Variants in SMCO2 observed in about 807,000 individuals in gnomAD.
The protein encoded by SMCO2 is single-pass membrane protein with coiled-coil domains 2, also known as single-pass membrane and coiled-coil domain-containing protein 2.
Under a neutral mutation model 29.5 loss-of-function variants are expected in SMCO2, and 25 were observed. The ratio of observed to expected loss-of-function variants is 0.85; its 90% CI spans 0.62 to 1.18. The LOEUF is 1.18. Ranked by LOEUF, SMCO2 falls within the 50% of genes most tolerant of loss-of-function variation. The pLI, the probability that SMCO2 is intolerant of heterozygous loss-of-function variation, is 0.00. For missense variants in SMCO2, 348 were observed against 344.5 expected, an observed-to-expected ratio of 1.01 and a Z score of -0.08; for synonymous variants, 117 against 123.3, an observed-to-expected ratio of 0.95 and a Z score of 0.34.
the SMCO2 span, among the ~76,000 whole-genome samples, chr12:27,437,771 AAT>A: frequency 6.6e-6 from 1 of 152,170 alleles, no homozygotes; most frequent in Non-Finnish European, 1.5e-5. Context: ...ACTTCCTGTC[AAT>A]ATGGAAGAGA....
intron 4 of SMCO2, among the ~76,000 whole-genome samples, chr12:27,480,838 A>G (rs920611649): frequency 6.6e-6 from 1 of 152,150 alleles, no homozygotes; most frequent in Non-Finnish European, 1.5e-5. Context: ...TGTACAGCTT[A>G]CAGAACCATA....
intron 7 of SMCO2, among the ~76,000 whole-genome samples, chr12:27,500,202 A>G (rs1461988111): frequency 4.0e-5 from 6 of 150,468 alleles, no homozygotes; most frequent in African/African-American, 1.5e-4. Flanking sequence ...TATCATGCTT[A>G]GTAATAGAAA....
intron 3 of SMCO2, among the ~76,000 whole-genome samples, chr12:27,474,464 G>T (rs1949566893): frequency 1.3e-5 from 2 of 151,940 alleles, no homozygotes; most frequent in African/African-American, 4.8e-5. Flanking sequence ...TTATGACATT[G>T]ATTTTTTTTA....
intron 2 of SMCO2, 54 bp from the exon 3 acceptor site, chr12:27,472,722 A>C (rs1949551329): frequency 2.9e-6 from 4 of 1,383,506 alleles, no homozygotes; most frequent in Non-Finnish European, 4.0e-6. Flanking sequence ...TGCAGGCCCA[A>C]GCTCTGGCCC....
upstream of SMCO2, among the ~76,000 whole-genome samples, chr12:27,465,923 G>A (rs1363000006): frequency 2.0e-5 from 3 of 152,190 alleles, no homozygotes; most frequent in African/African-American, 7.2e-5. Context: ...TAAGAGCAGG[G>A]GCTTAGGACT....
upstream of SMCO2, among the ~76,000 whole-genome samples, chr12:27,465,096 G>T (rs142261879): frequency 9.0e-4 from 136 of 151,730 alleles, 1 homozygote; most frequent in East Asian, 0.017. Flanking sequence ...AAAGAATTTG[G>T]CCGAGTACCT....
At chr12:27,424,278 T>A in the SMCO2 span, 1 of 152,356 alleles carries the variant, frequency 6.6e-6, no homozygotes, top group African/African-American at 2.4e-5. Context: ...CAATTATTTA[T>A]TGATCCTTGA....
chr12:27,477,634 C>CTTTTTTTTTTTTTTTTTTTTT (rs3051833), intron 4 of SMCO2, among the ~76,000 whole-genome samples: 3 of 109,658 alleles, frequency 2.7e-5, no homozygotes, highest in Admixed American at 9.1e-5. Context: ...CTTTTTCATT[C>CTTTTTTTTTTTTTTTTTTTTT]TTTTTTTTTT....
At chr12:27,470,730 C>T (rs1327753356) in exon 2 of SMCO2, 1 of 1,550,920 alleles carries the variant, frequency 6.4e-7, no homozygotes, top group African/African-American at 1.4e-5. Flanking sequence ...ATGGCTTTTT[C>T]CAAAAGCTCA....
the SMCO2 span, among the ~76,000 whole-genome samples, chr12:27,454,966 G>C: frequency 5.3e-5 from 8 of 152,124 alleles, no homozygotes; most frequent in Admixed American, 5.2e-4. Context: ...TAGCTGCATG[G>C]CCTTCCATTA....
the SMCO2 span, among the ~76,000 whole-genome samples, chr12:27,456,874 A>G: frequency 6.6e-6 from 1 of 152,168 alleles, no homozygotes. Flanking sequence ...GCAGGTGAGC[A>G]TTGCTACTGA....
chr12:27,488,920 C>A (rs1436065813), intron 5 of SMCO2, among the ~76,000 whole-genome samples: 1 of 152,128 alleles, frequency 6.6e-6, no homozygotes, highest in Non-Finnish European at 1.5e-5. Context: ...AAGGGATCTA[C>A]CTGTGTTTGT....
intron 4 of SMCO2, among the ~76,000 whole-genome samples, chr12:27,477,718 T>G (rs1316078458): frequency 6.7e-6 from 1 of 150,128 alleles, no homozygotes; most frequent in Non-Finnish European, 1.5e-5. Context: ...CTTGATCTAG[T>G]CTATTATTTC....
the SMCO2 span, among the ~76,000 whole-genome samples, chr12:27,453,036 T>C: frequency 3.3e-5 from 5 of 152,310 alleles, no homozygotes; most frequent in East Asian, 9.6e-4. Flanking sequence ...GGCCTGCTCC[T>C]CCTGGGGTCT....
chr12:27,497,760 G>A (rs982830005), intron 7 of SMCO2: 4 of 173,696 alleles, frequency 2.3e-5, no homozygotes, highest in Non-Finnish European at 3.5e-5. Flanking sequence ...ATCAGATGGA[G>A]GTTATAACTA....
chr12:27,432,462 C>T, the SMCO2 span, among the ~76,000 whole-genome samples: 3 of 152,096 alleles, frequency 2.0e-5, no homozygotes, highest in Admixed American at 6.5e-5. Context: ...ATTTGTAAAT[C>T]ATTACTCAGT....
At chr12:27,480,709 C>T (rs1021301443) in intron 4 of SMCO2, among the ~76,000 whole-genome samples, 1 of 151,154 alleles carries the variant, frequency 6.6e-6, no homozygotes, top group Non-Finnish European at 1.5e-5. Context: ...TCTCCCCCCC[C>T]TCTCTCTCTC....
the SMCO2 span, among the ~76,000 whole-genome samples, chr12:27,449,783 A>G: frequency 1.3e-5 from 2 of 152,232 alleles, no homozygotes; most frequent in African/African-American, 2.4e-5. Flanking sequence ...CCATTGTCCT[A>G]TAATACAATG....
the SMCO2 span, among the ~76,000 whole-genome samples, chr12:27,456,389 G>T: frequency 1.2e-4 from 19 of 152,148 alleles, no homozygotes; most frequent in Non-Finnish European, 2.4e-4. Flanking sequence ...CATTTTTAAA[G>T]TCTGTATATT....
Sources: allele counts gnomAD v4.1 joint callset (sites outside exome capture counted in the v4.1 genomes callset), GRCh38; gene constraint gnomAD v4.1.1; transcripts MANE v1.5; gene names NCBI Gene and HGNC (gene_info 2026-07-23, HGNC 2026-07-21).